Variants in CNTRL observed in about 807,000 individuals in gnomAD.
The protein encoded by CNTRL is centriolin.
Under a neutral mutation model 303.7 loss-of-function variants are expected in CNTRL, and 233 were observed. The observed-to-expected ratio is 0.77, with a 90% confidence interval of 0.69 to 0.86. The LOEUF (loss-of-function observed/expected upper bound fraction) is 0.86, where lower values mean the gene tolerates loss of function less well. CNTRL is among the 40% of genes least tolerant of loss of function. The pLI is 0.00. For missense variants in CNTRL, 2,524 were observed against 2,650.6 expected, an observed-to-expected ratio of 0.95 and a Z score of 1.05; for synonymous variants, 900 against 922.2, an observed-to-expected ratio of 0.98 and a Z score of 0.44.
intron 23 of CNTRL, among the ~76,000 whole-genome samples, chr9:121,147,105 C>T (rs371924243): frequency 2.6e-5 from 4 of 152,270 alleles, no homozygotes; most frequent in African/African-American, 4.8e-5. Context: ...GGGGTTCAAG[C>T]GATTCTCCGG....
chr9:121,151,585 T>G (rs2052265599), intron 25 of CNTRL, among the ~76,000 whole-genome samples: 2 of 152,164 alleles, frequency 1.3e-5, no homozygotes, highest in South Asian at 4.1e-4. Flanking sequence ...TAGATGGGGG[T>G]TTCACCATGT....
At chr9:121,075,213 G>A (rs546620455) in intron 1 of CNTRL, 146 bp downstream of exon 1, 5 of 339,312 alleles carry the variant, frequency 1.5e-5, no homozygotes, top group South Asian at 1.1e-4. Flanking sequence ...TGGGAATTGG[G>A]ATTGGACGGG....
At position 121,079,121 on chromosome 9, in the gene CNTRL, C is replaced by G. The variant is rs370991897; in HGVS notation, c.-204-1185C>G. Among the ~76,000 whole-genome samples the G allele has an allele frequency of 3.3e-5, 5 of 152,070 alleles. No homozygotes were observed. The East Asian group carries it at 5.8e-4, about 18-fold the overall frequency. ...TCATTAGTATACAAAAAGACACTTA[C>G]GATAGCAAAAGGGACTAAGACTAAG... On this transcript the variant is annotated intron_variant, in intron 1 of 43. Coordinates refer to ENST00000373855, the MANE Select transcript of CNTRL (RefSeq NM_007018.6).
chr9:121,142,064 C>T (rs1420686246), intron 18 of CNTRL, 27 bp from the exon 19 acceptor site: 1 of 1,533,488 alleles, frequency 6.5e-7, no homozygotes, highest in Non-Finnish European at 8.8e-7. Flanking sequence ...GCCTAAAAAT[C>T]ATTCTTGAAA....
intron 8 of CNTRL, chr9:121,111,145 A>G (rs1224898560): frequency 6.6e-6 from 1 of 152,142 alleles, no homozygotes; most frequent in Non-Finnish European, 1.5e-5. Flanking sequence ...GAAAATATCA[A>G]TGTGGGTAAT....
At chr9:121,136,245 A>G (rs1358781297) in intron 15 of CNTRL, among the ~76,000 whole-genome samples, 1 of 152,128 alleles carries the variant, frequency 6.6e-6, no homozygotes, top group African/African-American at 2.4e-5. Context: ...TAAATGAGAT[A>G]ATGGACATGA....
At chr9:121,085,585 T>G (rs1017684192) in intron 2 of CNTRL, among the ~76,000 whole-genome samples, 1 of 152,132 alleles carries the variant, frequency 6.6e-6, no homozygotes, top group African/African-American at 2.4e-5. Context: ...GGTTGTTACA[T>G]TCTGAGCAAG....
At chr9:121,160,451 A>ATAT in intron 32 of CNTRL, 149 bp downstream of exon 32, 1 of 482,936 alleles carries the variant, frequency 2.1e-6, no homozygotes, top group South Asian at 5.4e-5. Context: ...AAGGAATATG[A>ATAT]TATTTTCTGC....
At chr9:121,146,387 G>GAATTTAA in intron 23 of CNTRL, 131 bp downstream of exon 23, 1 of 895,870 alleles carries the variant, frequency 1.1e-6, no homozygotes. Context: ...TTGAGGTTCT[G>GAATTTAA]TAGCGTTTTT....
chr9:121,093,588 T>C (rs571582768), intron 4 of CNTRL, among the ~76,000 whole-genome samples: 2 of 152,286 alleles, frequency 1.3e-5, no homozygotes, highest in Non-Finnish European at 2.9e-5. Context: ...TGTGAGAACA[T>C]TGGTGGTAGA....
At chr9:121,112,118 A>C (rs2049773433) in intron 8 of CNTRL, among the ~76,000 whole-genome samples, 1 of 152,200 alleles carries the variant, frequency 6.6e-6, no homozygotes, top group Non-Finnish European at 1.5e-5. Flanking sequence ...TTGGAAAATC[A>C]GGAAGCAGGT....
At position 121,146,273 on chromosome 9, in the gene CNTRL, G is replaced by A. The variant is rs79675863; in HGVS notation, c.3459+17G>A. ...TCATCAAAAGTAGGAATTCTGTGGT[G>A]TTGGGAATGTATACTGAATTTTCTT... On this transcript the variant is annotated intron_variant, in intron 23 of 43. Transcript: ENST00000373855. 1.0e-4 allele frequency: 161 copies of A among 1,595,366 alleles called. No homozygotes were observed. The highest frequency in any genetic ancestry group is 2.2e-4 in the Admixed American group (12 of 54,092).
chr9:121,163,019 CCTCA>C (rs1170016976), intron 34 of CNTRL, among the ~76,000 whole-genome samples: 1 of 151,916 alleles, frequency 6.6e-6, no homozygotes, highest in African/African-American at 2.4e-5. Flanking sequence ...TCAATTCATA[CCTCA>C]CTATGTATAA....
In CNTRL at chr9:121,177,249, A is replaced by C. The variant is rs1276156156; in HGVS notation, c.*63A>C. On this transcript the variant is annotated 3_prime_UTR_variant, in exon 44 of 44. Coordinates refer to ENST00000373855, the MANE Select transcript of CNTRL (RefSeq NM_007018.6). ...CCTCCACTACCTCACTGACTTCATA[A>C]TTGGAATGTCACATGGTTTTTTTAA... 3.7e-6 allele frequency: 5 copies of C among 1,351,346 alleles called. No individual in the cohort carries two copies. The highest frequency in any genetic ancestry group is 3.6e-4 in the Middle Eastern group (2 of 5,542). The allele number at this position is 1,351,346 out of a possible 1,614,324, so 83.7% of individuals were successfully genotyped here.
intron 2 of CNTRL, among the ~76,000 whole-genome samples, chr9:121,084,243 G>A (rs927409364): frequency 6.6e-6 from 1 of 152,004 alleles, no homozygotes; most frequent in Non-Finnish European, 1.5e-5. Flanking sequence ...TATAATTTTT[G>A]TACTGTTTTT....
At chr9:121,085,300 TTC>T (rs1008950664) in intron 2 of CNTRL, among the ~76,000 whole-genome samples, 54 of 152,340 alleles carry the variant, frequency 3.5e-4, no homozygotes, top group African/African-American at 1.1e-3. Context: ...TCTGGAAATA[TTC>T]TGTTTCTTTA....
At chr9:121,098,829 C>CAAAAAA (rs66692307) in intron 7 of CNTRL, among the ~76,000 whole-genome samples, 1 of 142,562 alleles carries the variant, frequency 7.0e-6, no homozygotes, top group African/African-American at 2.7e-5. Context: ...AGAAGACAGA[C>CAAAAAA]AAAAAAAAAA....
intron 25 of CNTRL, among the ~76,000 whole-genome samples, chr9:121,150,862 C>T (rs566752212): frequency 2.6e-5 from 4 of 152,262 alleles, no homozygotes; most frequent in Admixed American, 6.5e-5. Flanking sequence ...AGAAATTTAC[C>T]GTTTTTACAA....
chr9:121,173,216 G>T, intron 40 of CNTRL, 27 bp from the exon 41 acceptor site: 2 of 1,582,366 alleles, frequency 1.3e-6, no homozygotes, highest in African/African-American at 2.7e-5. Flanking sequence ...TTTATACAAT[G>T]ATATTTGACA....
Sources: allele counts gnomAD v4.1 joint callset (sites outside exome capture counted in the v4.1 genomes callset), GRCh38; gene constraint gnomAD v4.1.1; transcripts MANE v1.5; gene names NCBI Gene and HGNC (gene_info 2026-07-23, HGNC 2026-07-21).